HIVEP1: variants seen among roughly 807,000 people sequenced by gnomAD.
HIVEP1 encodes zinc finger protein 40.
Under a neutral mutation model 180.0 loss-of-function variants are expected in HIVEP1, and 36 were observed. The observed-to-expected ratio is 0.20, with a 90% CI of 0.15 to 0.26. The LOEUF (loss-of-function observed/expected upper bound fraction) is 0.26, where lower values mean the gene tolerates loss of function less well. Ranked by LOEUF, HIVEP1 falls within the 10% of genes least tolerant of loss-of-function variation. The pLI, the probability that HIVEP1 is intolerant of heterozygous loss-of-function variation, is 1.00. For synonymous variants in HIVEP1, 1,239 were observed against 1,239.0 expected (o/e 1.00, Z 0.00); for missense variants, 3,143 against 3,268.7 (o/e 0.96, Z 0.94).
intron 2 of HIVEP1, among the ~76,000 whole-genome samples, chr6:12,053,944 G>A (rs1461012588): frequency 2.0e-5 from 3 of 152,252 alleles, no homozygotes; most frequent in Middle Eastern, 3.4e-3. Flanking sequence ...GAAAGGGAAC[G>A]TACATTTGAT....
Position 12,120,738 on chromosome 6 carries a change from C to A in HIVEP1, c.943C>A (p.Gln315Lys). The change falls in exon 4 of 9, where the codon CAA becomes AAA. Residue 315 changes from glutamine (Q) to lysine (K), a missense_variant. Gln to Lys is a moderately conservative substitution (Grantham distance 53). This residue lies in a region of HIVEP1 where 306 missense variants were observed against 310.6 expected (regional missense o/e 0.99). Coordinates refer to ENST00000379388, the MANE Select transcript of HIVEP1 (RefSeq NM_002114.4). ...TTTCACAGGATCACTGACAAATCTG[C>A]AAAATCAAGAGAATGCCAAACTTGA... ...SGFTGSLTNL[Q>K]NQENAKLEQV... 1 of 1,614,184 alleles carries A rather than the reference C, an allele frequency of 6.2e-7. No individual in the cohort carries two copies. The highest frequency in any genetic ancestry group is 8.5e-7 in the Non-Finnish European group (1 of 1,180,036).
chr6:12,144,604 A>G (rs1759251439), intron 7 of HIVEP1, among the ~76,000 whole-genome samples: 1 of 152,204 alleles, frequency 6.6e-6, no homozygotes, highest in African/African-American at 2.4e-5. Flanking sequence ...GAATGGGAGA[A>G]AATTTTTGCA....
At chr6:12,047,220 A>C (rs955419263) in intron 2 of HIVEP1, among the ~76,000 whole-genome samples, 7 of 152,196 alleles carry the variant, frequency 4.6e-5, no homozygotes, top group African/African-American at 1.7e-4. Flanking sequence ...TTGTACATTA[A>C]ATAAGTGACA....
intron 2 of HIVEP1, among the ~76,000 whole-genome samples, chr6:12,017,303 C>G (rs921721981): frequency 1.3e-5 from 2 of 152,180 alleles, no homozygotes; most frequent in South Asian, 2.1e-4. Context: ...TGTTATAGCT[C>G]TTAAAGGTAG....
At chr6:12,053,782 A>C (rs775892365) in intron 2 of HIVEP1, among the ~76,000 whole-genome samples, 1 of 152,248 alleles carries the variant, frequency 6.6e-6, no homozygotes, top group Non-Finnish European at 1.5e-5. Context: ...GAAATTGACA[A>C]GAGAACCCTA....
In HIVEP1 at chr6:12,063,828, T is replaced by C. The variant is rs1023772863; in HGVS notation, c.41-25356T>C. Among the ~76,000 whole-genome samples, 2 of 152,194 alleles carry C rather than the reference T, an allele frequency of 1.3e-5. No homozygotes were observed. The highest frequency in any genetic ancestry group is 1.3e-4 in the Admixed American group (2 of 15,280). ...CTTCACCATGCATGAGATTCACATA[T>C]GTTTCTTAGTGGTAAAAATCATTGC... is the stretch of plus-strand genomic sequence containing the variant. On this transcript the variant is annotated intron_variant, in intron 2 of 8. Transcript: ENST00000379388. The surrounding 1 kb of genome is among the most constrained non-coding windows in gnomAD (Gnocchi z 4.2).
At chr6:12,080,759 G>A (rs1338849636) in intron 2 of HIVEP1, among the ~76,000 whole-genome samples, 1 of 152,146 alleles carries the variant, frequency 6.6e-6, no homozygotes, top group Non-Finnish European at 1.5e-5. Context: ...CCATAAAAGT[G>A]TAGCAAGATG....
chr6:12,163,240 C>G, intron 8 of HIVEP1, 43 bp from the exon 9 acceptor site: 1 of 1,445,874 alleles, frequency 6.9e-7, no homozygotes, highest in South Asian at 1.2e-5. Flanking sequence ...TCAGTGATTA[C>G]AAAAGACCTG....
chr6:12,168,385 T>TAA (rs1760816824), downstream of HIVEP1, among the ~76,000 whole-genome samples: 2 of 86,890 alleles, frequency 2.3e-5, no homozygotes, highest in African/African-American at 7.0e-5. Flanking sequence ...TGTATATATG[T>TAA]ATATATATAA....
At chr6:12,020,186 C>G in intron 2 of HIVEP1, 1 of 404,268 alleles carries the variant, frequency 2.5e-6, no homozygotes, top group Admixed American at 2.8e-5. Context: ...TCAGTCTCTT[C>G]ACCCTTGGCC....
At chr6:12,134,368 A>G (rs1192854419) in intron 6 of HIVEP1, among the ~76,000 whole-genome samples, 1 of 152,296 alleles carries the variant, frequency 6.6e-6, no homozygotes, top group East Asian at 1.9e-4. Context: ...TGACCTCCTT[A>G]AGTACTAAGC....
chr6:12,008,817 T>TAAATTTAAATTAAATTTAAA (rs1767132754), upstream of HIVEP1: 1 of 152,192 alleles, frequency 6.6e-6, no homozygotes, highest in Non-Finnish European at 1.5e-5. Context: ...CTTTTTTGTT[T>TAAATTTAAATTAAATTTAAA]TTAAAATTAA....
At chr6:12,173,216 C>T in the HIVEP1 span, among the ~76,000 whole-genome samples, 1 of 152,146 alleles carries the variant, frequency 6.6e-6, no homozygotes, top group Non-Finnish European at 1.5e-5. Context: ...CAGCGATTCA[C>T]ATTGTTTTGA....
intron 7 of HIVEP1, among the ~76,000 whole-genome samples, chr6:12,154,680 C>T (rs914472259): frequency 6.6e-6 from 1 of 152,024 alleles, no homozygotes; most frequent in South Asian, 2.1e-4. Flanking sequence ...AGGACAAATA[C>T]CTAATGCATA....
chr6:12,165,586 A>G (rs956070463), downstream of HIVEP1, among the ~76,000 whole-genome samples: 5 of 152,380 alleles, frequency 3.3e-5, no homozygotes, highest in Non-Finnish European at 5.9e-5. Flanking sequence ...CTTATTCAGG[A>G]AAATATGGCG....
Position 12,123,526 on chromosome 6 carries a change from A to C in HIVEP1, c.3731A>C (p.Asp1244Ala). 1 of 1,614,194 alleles carries C rather than the reference A, an allele frequency of 6.2e-7. No homozygotes were observed. Among genetic ancestry groups the C allele is most frequent in the Non-Finnish European group, 8.5e-7 (1 of 1,180,038 alleles). ...GAGATTTTGGTCACAGAAGAACCAG[A>C]TCGAGACCTGGAAGCTCAATGCCAT... Reference protein sequence around the residue: ...VPEILVTEEPDRDLEAQCHDQ... With the variant: ...VPEILVTEEPARDLEAQCHDQ... The change falls in exon 4 of 9, where the codon GAT becomes GCT. Residue 1244 changes from aspartate to alanine, a missense_variant. Transcript: ENST00000379388.
chr6:12,072,581 C>G (rs1561912309), intron 2 of HIVEP1, among the ~76,000 whole-genome samples: 1 of 152,274 alleles, frequency 6.6e-6, no homozygotes, highest in Admixed American at 6.5e-5. Flanking sequence ...CCAGCTCTCT[C>G]TTCTGGAGCT....
rs755648158 is a variant in HIVEP1 at position 12,120,374 on chromosome 6, C to G, written c.579C>G (p.Asn193Lys). The G allele has an allele frequency of 5.6e-6, 9 of 1,614,166 alleles. No homozygotes were observed. The highest frequency in any genetic ancestry group is 1.6e-4 in the Middle Eastern group (1 of 6,062). Residue 193 changes from asparagine (N) to lysine (K), a missense_variant, in exon 4 of 9, where the codon AAC (asparagine) becomes AAG (lysine). Around this residue, in one of 12 missense-constraint regions of HIVEP1, gnomAD observed 306 missense variants for 310.6 expected, o/e 0.99. Transcript: ENST00000379388. ...GCACTACGTCCCCCTCCTATACAAACACTGCATTCGATGTCTTACTGAAAG... is the reference window on the plus strand; with the variant it reads ...GCACTACGTCCCCCTCCTATACAAAGACTGCATTCGATGTCTTACTGAAAG... ...HCGTTSPSYT[N>K]TAFDVLLKAM...
intron 7 of HIVEP1, among the ~76,000 whole-genome samples, chr6:12,152,219 G>A (rs1759748285): frequency 6.6e-6 from 1 of 152,142 alleles, no homozygotes; most frequent in South Asian, 2.1e-4. Context: ...TAGTATCATA[G>A]TTGTTACATT....
Sources: allele counts gnomAD v4.1 joint callset (sites outside exome capture counted in the v4.1 genomes callset), GRCh38; gene constraint gnomAD v4.1.1; regional missense constraint gnomAD v4.1.1; non-coding constraint Gnocchi (gnomAD v3.1); transcripts MANE v1.5; gene names NCBI Gene and HGNC (gene_info 2026-07-23, HGNC 2026-07-21).